The following RAP1A variants were observed in gnomAD, a reference collection of about 807,000 sequenced individuals.
RAP1A encodes ras-related protein Rap-1A.
Under a neutral mutation model 26.4 loss-of-function variants are expected in RAP1A, and 6 were observed. The ratio of observed to expected loss-of-function variants is 0.23; its 90% CI spans 0.12 to 0.45. RAP1A has a LOEUF of 0.45. Among genes scored for constraint, RAP1A ranks in the 20% least tolerant of loss-of-function variants. The pLI is 0.99. For missense variants in RAP1A, 121 were observed against 217.2 expected, an observed-to-expected ratio of 0.56 and a Z score of 2.78; for synonymous variants, 73 against 79.4, an observed-to-expected ratio of 0.92 and a Z score of 0.43.
chr1:111,681,052 C>T (rs1557889732), intron 1 of RAP1A, among the ~76,000 whole-genome samples: 1 of 152,176 alleles, frequency 6.6e-6, no homozygotes, highest in Non-Finnish European at 1.5e-5. Context: ...TGAGACCAGC[C>T]TGGCCAACAT....
Position 111,674,452 on chromosome 1 carries a change from C to G in RAP1A, c.-27-16882C>G, listed in dbSNP as rs77910237. Among the ~76,000 whole-genome samples, 1,311 of 152,254 alleles carry G rather than the reference C, an allele frequency of 8.6e-3. 15 individuals are homozygous for G. Among genetic ancestry groups the G allele is most frequent in the African/African-American group, 0.03 (1,254 of 41,532 alleles). The stretch of plus-strand genomic sequence containing the variant: ...GCTTCTCTTTCTCATTGGTTGACCT[C>G]ATCCACTGCTATGGTTTCAATGCTA... On this transcript the variant is annotated intron_variant, in intron 1 of 7. Transcript: ENST00000369709.
chr1:111,629,627 T>C (rs959575725), intron 1 of RAP1A, among the ~76,000 whole-genome samples: 1 of 152,202 alleles, frequency 6.6e-6, no homozygotes, highest in Admixed American at 6.5e-5. Context: ...CTTATTATTT[T>C]TATTCAAATC....
intron 1 of RAP1A, among the ~76,000 whole-genome samples, chr1:111,613,644 A>G (rs187628772): frequency 7.0e-4 from 106 of 152,350 alleles, no homozygotes; most frequent in African/African-American, 2.5e-3. Context: ...TACCTCATGT[A>G]ACCAACCATA....
intron 5 of RAP1A, 74 bp downstream of exon 5, chr1:111,703,550 A>G (rs1303831907): frequency 3.0e-6 from 4 of 1,320,318 alleles, no homozygotes; most frequent in East Asian, 2.5e-5. Flanking sequence ...TGTTTTCTCT[A>G]TTAGTAGAGG....
chr1:111,692,816 A>C (rs181016678), intron 2 of RAP1A, among the ~76,000 whole-genome samples: 1 of 152,218 alleles, frequency 6.6e-6, no homozygotes, highest in African/African-American at 2.4e-5. Context: ...GTAAAATCAT[A>C]GAGTATCTCT....
chr1:111,581,289 C>T (rs536925419), intron 1 of RAP1A, among the ~76,000 whole-genome samples: 124 of 152,212 alleles, frequency 8.1e-4, no homozygotes, highest in East Asian at 2.5e-3. Flanking sequence ...AGTGGCTAAA[C>T]ATGAAGACTG....
rs1388254933 is a variant in RAP1A, at chr1:111,713,448, C to T, written c.*1047C>T. The T allele has an allele frequency of 6.6e-6, 1 of 152,070 alleles. No homozygotes were observed. Among genetic ancestry groups the T allele is most frequent in the Non-Finnish European group, 1.5e-5 (1 of 67,998 alleles). The allele number at this position is 152,070 out of a possible 1,614,324, so 9.4% of individuals were successfully genotyped here. On this transcript the variant is annotated 3_prime_UTR_variant, in exon 8 of 8. Transcript: ENST00000369709. The stretch of plus-strand genomic sequence containing the variant: ...AGTTTAATACTGTATCAGGGTTTAA[C>T]TTTTACTATTTCAGATCTTCCACAG...
chr1:111,582,621 GGCA>G (rs1658279827), intron 1 of RAP1A, among the ~76,000 whole-genome samples: 3 of 152,136 alleles, frequency 2.0e-5, no homozygotes, highest in African/African-American at 4.8e-5. Flanking sequence ...AGCAGCAGTG[GGCA>G]CACGATTGCC....
Position 111,546,439 on chromosome 1 carries a change from CT to C in RAP1A, c.-28+3933del, listed in dbSNP as rs201969905. ...ACTCCCCATTCCTTCCTCTCCCAGC[CT>C]TTGGGAAGCATCGTTCTTCTCCTTT... On this transcript the variant is annotated intron_variant, in intron 1 of 7. Transcript: ENST00000356415. Among the ~76,000 whole-genome samples the C allele has an allele frequency of 9.2e-5, 14 of 152,230 alleles. No homozygotes were observed. In the East Asian group the frequency reaches 2.5e-3, roughly 27 times the overall value.
intron 1 of RAP1A, among the ~76,000 whole-genome samples, chr1:111,598,497 T>G (rs1050235828): frequency 3.3e-5 from 5 of 152,088 alleles, no homozygotes; most frequent in African/African-American, 1.2e-4. Context: ...TCAAAACTGT[T>G]GAGGAGCACT....
chr1:111,706,631 G>A (rs1662202935), intron 6 of RAP1A: 1 of 819,998 alleles, frequency 1.2e-6, no homozygotes, highest in Non-Finnish European at 1.5e-6. Context: ...ATGGGAGAGG[G>A]ATTGAGAAAC....
upstream of RAP1A, among the ~76,000 whole-genome samples, chr1:111,617,531 C>T (rs1035595539): frequency 1.3e-5 from 2 of 152,128 alleles, no homozygotes; most frequent in Non-Finnish European, 2.9e-5. Flanking sequence ...CTTCCAGGTT[C>T]ATGCCATTCT....
chr1:111,668,156 G>T (rs1660857140), intron 1 of RAP1A, among the ~76,000 whole-genome samples: 1 of 152,072 alleles, frequency 6.6e-6, no homozygotes, highest in Non-Finnish European at 1.5e-5. Flanking sequence ...CACTTTTTGG[G>T]TTAGCCCAAA....
At position 111,669,469 on chromosome 1, in the gene RAP1A, G is replaced by A. The variant is rs1378805556; in HGVS notation, c.-27-21865G>A. ...TGCCCATGAACTGGAATGTAAACAT[G>A]GCAATGAGATATTTTTGCCTGTGTA... On this transcript the variant is annotated intron_variant, in intron 1 of 7. Coordinates refer to ENST00000369709, the MANE Select transcript of RAP1A (RefSeq NM_002884.4). 2.6e-5 allele frequency among the ~76,000 whole-genome samples: 4 copies of A among 152,318 alleles called. No homozygotes were observed. In the East Asian group the frequency reaches 7.7e-4, roughly 29 times the overall value.
chr1:111,671,973 T>A (rs1208230227), intron 1 of RAP1A, among the ~76,000 whole-genome samples: 1 of 152,244 alleles, frequency 6.6e-6, no homozygotes, highest in Non-Finnish European at 1.5e-5. Context: ...TCTGTATGAT[T>A]TCAGTCCATT....
At chr1:111,558,499 T>C (rs1425444361) in intron 1 of RAP1A, among the ~76,000 whole-genome samples, 1 of 152,182 alleles carries the variant, frequency 6.6e-6, no homozygotes, top group Non-Finnish European at 1.5e-5. Flanking sequence ...AAATAATTTT[T>C]AAAAAGCACT....
At chr1:111,684,381 A>G (rs916870207) in intron 1 of RAP1A, among the ~76,000 whole-genome samples, 9 of 152,230 alleles carry the variant, frequency 5.9e-5, no homozygotes, top group African/African-American at 1.9e-4. Context: ...ACATAATTAT[A>G]TATTTAGAAA....
chr1:111,565,214 G>T (rs570350032), intron 1 of RAP1A, among the ~76,000 whole-genome samples: 42 of 152,300 alleles, frequency 2.8e-4, no homozygotes, highest in Non-Finnish European at 3.8e-4. Context: ...TGAACAAAGG[G>T]GGGGAGTGTG....
chr1:111,560,213 C>G (rs937775605), intron 1 of RAP1A, among the ~76,000 whole-genome samples: 11 of 152,168 alleles, frequency 7.2e-5, no homozygotes, highest in Non-Finnish European at 1.5e-4. Flanking sequence ...CACCTACATA[C>G]AAGCCCAACC....
Sources: allele counts gnomAD v4.1 joint callset (sites outside exome capture counted in the v4.1 genomes callset), GRCh38; gene constraint gnomAD v4.1.1; transcripts MANE v1.5; gene names NCBI Gene and HGNC (gene_info 2026-07-23, HGNC 2026-07-21).